The following EEPD1 variants were observed in gnomAD, a reference collection of about 807,000 sequenced individuals.
EEPD1 encodes the protein endonuclease/exonuclease/phosphatase family domain-containing protein 1.
A neutral mutation model predicts 46.3 loss-of-function variants in EEPD1; 17 were observed. The ratio of observed to expected loss-of-function variants is 0.37; its 90% CI spans 0.25 to 0.55. The LOEUF (loss-of-function observed/expected upper bound fraction) is 0.55, where lower values mean the gene tolerates loss of function less well. Among genes scored for constraint, EEPD1 ranks in the 20% least tolerant of loss-of-function variants. The pLI is 0.83. For missense variants in EEPD1, 673 were observed against 745.6 expected, an observed-to-expected ratio of 0.90 and a Z score of 1.13; for synonymous variants, 313 against 315.6, an observed-to-expected ratio of 0.99 and a Z score of 0.09.
rs1583477317 is a variant in EEPD1, at chr7:36,281,140, C to A, written c.956C>A (p.Thr319Asn). 3.7e-6 allele frequency: 6 copies of A among 1,614,166 alleles called. No individual in the cohort carries two copies. Among genetic ancestry groups the A allele is most frequent in the Non-Finnish European group, 1.7e-6 (2 of 1,180,056 alleles). The change falls in exon 4 of 8, where the codon ACC becomes AAC. Residue 319 changes from threonine to asparagine, a missense_variant. Transcript: ENST00000242108. The stretch of plus-strand genomic sequence containing the variant: ...TTCTGCACGGAGCTAAACCAGCCGA[C>A]CCTGCCCAACATCCGCAAGTGGAAG... ...EKFCTELNQP[T>N]LPNIRKWKGP...
At chr7:36,234,469 T>G (rs1020400066) in intron 2 of EEPD1, among the ~76,000 whole-genome samples, 4 of 152,072 alleles carry the variant, frequency 2.6e-5, no homozygotes, top group South Asian at 2.1e-4. Flanking sequence ...CTCAGGAGTT[T>G]GAGACCAGCC....
chr7:36,209,106 G>A (rs1007238049), intron 2 of EEPD1, among the ~76,000 whole-genome samples: 1 of 152,204 alleles, frequency 6.6e-6, no homozygotes, highest in African/African-American at 2.4e-5. Flanking sequence ...CAATGGGGTT[G>A]TGTGGGATTA....
chr7:36,281,854 A>G (rs1005546270), intron 4 of EEPD1, among the ~76,000 whole-genome samples: 1 of 152,244 alleles, frequency 6.6e-6, no homozygotes, highest in Non-Finnish European at 1.5e-5. Context: ...CCAGGAGTTG[A>G]AAATGTATTA....
At position 36,154,923 on chromosome 7, in the gene EEPD1, C is replaced by T; in HGVS notation, c.599C>T (p.Ser200Phe). 2 of 1,614,092 alleles carry T rather than the reference C, an allele frequency of 1.2e-6. No homozygotes were observed. The highest frequency in any genetic ancestry group is 1.7e-6 in the Non-Finnish European group (2 of 1,180,020). The stretch of plus-strand genomic sequence containing the variant: ...CGGCACCAGGTGTTTGCTGAGAGGT[C>T]CAGGCCCCCATCCACCCACACGAAC... ...RIRHQVFAER[S>F]RPPSTHTNGG... Residue 200 changes from serine to phenylalanine, a missense_variant, in exon 2 of 8, where the codon TCC (serine) becomes TTC (phenylalanine). Transcript: ENST00000242108. This position sits in a 1 kb window ranked among gnomAD's most constrained non-coding sequence, Gnocchi z 4.2.
rs150809487 is a variant in EEPD1 at position 36,278,453 on chromosome 7, C to G, written c.931-2662C>G. 3.4e-3 allele frequency among the ~76,000 whole-genome samples: 490 copies of G among 145,782 alleles called. 1 individual carries two copies. Among genetic ancestry groups the G allele is most frequent in the African/African-American group, 0.012 (462 of 39,776 alleles). On this transcript the variant is annotated intron_variant, in intron 3 of 7. Coordinates refer to ENST00000242108, the MANE Select transcript of EEPD1 (RefSeq NM_030636.3). ...ACCTTGGTGTGTTCCTTCTCCACCCCCAGGGCTGGGCCTCTCTGATCTACC... is the reference window on the plus strand; with the variant it reads ...ACCTTGGTGTGTTCCTTCTCCACCCGCAGGGCTGGGCCTCTCTGATCTACC...
intron 2 of EEPD1, among the ~76,000 whole-genome samples, chr7:36,192,627 G>A (rs1483423138): frequency 6.6e-6 from 1 of 152,140 alleles, no homozygotes; most frequent in Non-Finnish European, 1.5e-5. Context: ...AAATTTACCC[G>A]GCGAAGGCCT....
intron 3 of EEPD1, among the ~76,000 whole-genome samples, chr7:36,276,608 G>T (rs1787185845): frequency 6.6e-6 from 1 of 152,198 alleles, no homozygotes; most frequent in African/African-American, 2.4e-5. Context: ...GTATTTGTTT[G>T]TTTGGAATAA....
At chr7:36,249,680 G>C (rs552439782) in intron 3 of EEPD1, among the ~76,000 whole-genome samples, 26 of 152,318 alleles carry the variant, frequency 1.7e-4, no homozygotes, top group African/African-American at 6.3e-4. Context: ...TGTAAAACAT[G>C]TATTTATTCT....
intron 2 of EEPD1, among the ~76,000 whole-genome samples, chr7:36,167,494 A>G (rs1255424443): frequency 6.6e-6 from 1 of 152,232 alleles, no homozygotes; most frequent in African/African-American, 2.4e-5. Flanking sequence ...GGACCCTTGC[A>G]CTTCTCTCCT....
At chr7:36,206,667 A>C (rs984597092) in intron 2 of EEPD1, among the ~76,000 whole-genome samples, 3 of 152,220 alleles carry the variant, frequency 2.0e-5, no homozygotes, top group African/African-American at 7.2e-5. Flanking sequence ...TTACACCTTC[A>C]TAAGTTATAG....
At chr7:36,272,222 A>G (rs1399890490) in intron 3 of EEPD1, among the ~76,000 whole-genome samples, 4 of 152,110 alleles carry the variant, frequency 2.6e-5, no homozygotes, top group African/African-American at 4.8e-5. Flanking sequence ...TGAAATTACT[A>G]TGGAAGTCTT....
At chr7:36,274,289 A>C (rs1787153177) in intron 3 of EEPD1, among the ~76,000 whole-genome samples, 1 of 152,154 alleles carries the variant, frequency 6.6e-6, no homozygotes, top group African/African-American at 2.4e-5. Context: ...CCTCAGCCCT[A>C]AGGAGAGCCA....
intron 2 of EEPD1, among the ~76,000 whole-genome samples, chr7:36,237,496 A>G (rs139920712): frequency 3.9e-5 from 6 of 152,184 alleles, no homozygotes; most frequent in Non-Finnish European, 7.4e-5. Flanking sequence ...ATACCTCTCC[A>G]TTCTCCTTTT....
At position 36,299,956 on chromosome 7, in the gene EEPD1, C is replaced by CT. The variant is rs1035960896; in HGVS notation, c.*751dup. 1.3e-5 allele frequency: 2 copies of CT among 152,554 alleles called. No homozygotes were observed. The highest frequency in any genetic ancestry group is 4.8e-5 in the African/African-American group (2 of 41,456). The allele number at this position is 152,554 out of a possible 1,614,324, so 9.5% of individuals were successfully genotyped here. ...TCGCCGGGACCTCTGTGAAGCCTCT[C>CT]TGTCATCTCCCCTTCCCAGCCCCTC... On this transcript the variant is annotated 3_prime_UTR_variant, in exon 8 of 8. Coordinates refer to ENST00000242108, the MANE Select transcript of EEPD1 (RefSeq NM_030636.3).
rs2287070 is a variant in EEPD1 at position 36,298,164 on chromosome 7, G to A, written c.1511-843G>A. Among the ~76,000 whole-genome samples, 356 of 152,320 alleles carry A rather than the reference G, an allele frequency of 2.3e-3. 1 individual carries two copies. Among genetic ancestry groups the A allele is most frequent in the African/African-American group, 7.9e-3 (329 of 41,582 alleles). On this transcript the variant is annotated intron_variant, in intron 7 of 7. Coordinates refer to ENST00000242108, the MANE Select transcript of EEPD1 (RefSeq NM_030636.3). ...GAATGACAATTGTCAAACTAGCCTC[G>A]GTTTGCAGAAATGCGCTATGGGCCA...
At position 36,154,148 on chromosome 7, in the gene EEPD1, G is replaced by T; in HGVS notation, c.-177G>T. The T allele has an allele frequency of 1.4e-6, 1 of 726,284 alleles. No individual in the cohort carries two copies. The highest frequency in any genetic ancestry group is 2.2e-6 in the Non-Finnish European group (1 of 457,618). 45.0% of individuals were successfully genotyped at this position (726,284 alleles called of 1,614,324 possible). A position where few individuals can be genotyped will look rare whatever the true frequency, so the allele number is the denominator to read the frequency against. ...TATTTTCTAGGCGGCCAAGTGAAAGGTAATTTTGGACACGCCAGGCATGGA... is the reference window on the plus strand; with the variant it reads ...TATTTTCTAGGCGGCCAAGTGAAAGTTAATTTTGGACACGCCAGGCATGGA... On this transcript the variant is annotated 5_prime_UTR_variant, in exon 2 of 8. Coordinates refer to ENST00000242108, the MANE Select transcript of EEPD1 (RefSeq NM_030636.3). The surrounding 1 kb of genome is among the most constrained non-coding windows in gnomAD (Gnocchi z 4.2).
chr7:36,246,081 C>G (rs181738039), intron 3 of EEPD1, among the ~76,000 whole-genome samples: 1 of 152,218 alleles, frequency 6.6e-6, no homozygotes, highest in Non-Finnish European at 1.5e-5. Context: ...ATAGTTTGGC[C>G]GGTCATTCCA....
chr7:36,289,684 C>T (rs1360314675), intron 6 of EEPD1, among the ~76,000 whole-genome samples: 9 of 152,260 alleles, frequency 5.9e-5, no homozygotes, highest in Admixed American at 3.9e-4. Context: ...TTAGTAGAGA[C>T]GGGGTTTCAC....
At chr7:36,174,409 G>A (rs1261457006) in intron 2 of EEPD1, among the ~76,000 whole-genome samples, 1 of 152,196 alleles carries the variant, frequency 6.6e-6, no homozygotes, top group African/African-American at 2.4e-5. Context: ...CATGATGCTG[G>A]TAAAAGAGGT....
Sources: allele counts gnomAD v4.1 joint callset (sites outside exome capture counted in the v4.1 genomes callset), GRCh38; gene constraint gnomAD v4.1.1; non-coding constraint Gnocchi (gnomAD v3.1); transcripts MANE v1.5; gene names NCBI Gene and HGNC (gene_info 2026-07-23, HGNC 2026-07-21).